Variants in CNTNAP2 observed in about 807,000 individuals in gnomAD.
CNTNAP2 encodes the protein contactin-associated protein-like 2.
In CNTNAP2, 98 loss-of-function variants were observed where a neutral mutation model predicts 155.2. That is an observed-to-expected ratio of 0.63 (90% CI 0.54 to 0.75). CNTNAP2 has a LOEUF of 0.75. CNTNAP2 is among the 30% of genes least tolerant of loss of function. The pLI is 0.00. For missense variants in CNTNAP2, 1,727 were observed against 1,688.1 expected (o/e 1.02, Z -0.40); for synonymous variants, 651 against 631.2 (o/e 1.03, Z -0.47).
chr7:148,014,908 G>C (rs184082128), intron 15 of CNTNAP2, among the ~76,000 whole-genome samples: 1 of 152,222 alleles, frequency 6.6e-6, no homozygotes, highest in African/African-American at 2.4e-5. Context: ...CCAGCTGAGA[G>C]AGAAGGCTTC....
intron 1 of CNTNAP2, among the ~76,000 whole-genome samples, chr7:146,235,780 C>T (rs547177740): frequency 4.9e-4 from 75 of 152,238 alleles, no homozygotes; most frequent in Admixed American, 4.6e-3. Flanking sequence ...TAGAGCATGA[C>T]AGTTCTGCTG....
chr7:146,706,895 A>G (rs1239357737), intron 1 of CNTNAP2, among the ~76,000 whole-genome samples: 1 of 149,546 alleles, frequency 6.7e-6, no homozygotes, highest in Non-Finnish European at 1.5e-5. Context: ...AAACCTGCAC[A>G]TGTACCCCTG....
At chr7:147,645,066 A>T (rs899876597) in intron 13 of CNTNAP2, among the ~76,000 whole-genome samples, 3 of 152,096 alleles carry the variant, frequency 2.0e-5, no homozygotes, top group African/African-American at 7.2e-5. Flanking sequence ...TATAAATTAT[A>T]TATATTTTTG....
chr7:146,996,879 G>A (rs576126786), intron 3 of CNTNAP2, among the ~76,000 whole-genome samples: 12 of 152,136 alleles, frequency 7.9e-5, no homozygotes, highest in African/African-American at 1.9e-4. Context: ...TCATAGGGGT[G>A]GTTTCCCCCA....
intron 20 of CNTNAP2, among the ~76,000 whole-genome samples, chr7:148,264,630 T>C (rs1796634230): frequency 6.6e-6 from 1 of 152,222 alleles, no homozygotes; most frequent in Non-Finnish European, 1.5e-5. Context: ...ATAATGAACA[T>C]ATATTATTTG....
At chr7:146,594,519 A>G (rs1251666240) in intron 1 of CNTNAP2, among the ~76,000 whole-genome samples, 1 of 152,108 alleles carries the variant, frequency 6.6e-6, no homozygotes, top group Non-Finnish European at 1.5e-5. Flanking sequence ...ATCATTGAGT[A>G]AATACATTAA....
intron 10 of CNTNAP2, among the ~76,000 whole-genome samples, chr7:147,405,210 G>C (rs907167012): frequency 1.3e-5 from 2 of 152,292 alleles, no homozygotes; most frequent in Non-Finnish European, 2.9e-5. Flanking sequence ...ATCAACTACG[G>C]AGAGATTTAA....
At chr7:146,644,515 A>G (rs1439573111) in intron 1 of CNTNAP2, among the ~76,000 whole-genome samples, 1 of 152,122 alleles carries the variant, frequency 6.6e-6, no homozygotes, top group Non-Finnish European at 1.5e-5. Flanking sequence ...CCTCTTGATC[A>G]TGGTGGATAA....
intron 10 of CNTNAP2, among the ~76,000 whole-genome samples, chr7:147,464,260 G>A (rs1180270811): frequency 3.9e-5 from 6 of 151,962 alleles, no homozygotes; most frequent in Admixed American, 3.3e-4. Context: ...TAGGTCAGGA[G>A]ATCAAGACCA....
chr7:147,925,331 C>G (rs1300437681), intron 14 of CNTNAP2, among the ~76,000 whole-genome samples: 1 of 143,886 alleles, frequency 6.9e-6, no homozygotes, highest in African/African-American at 2.6e-5. Context: ...CACACACACA[C>G]AGCTTTCCCC....
intron 1 of CNTNAP2, among the ~76,000 whole-genome samples, chr7:146,333,960 G>T (rs1005598665): frequency 6.6e-6 from 1 of 152,114 alleles, no homozygotes; most frequent in Admixed American, 6.5e-5. Flanking sequence ...ATCTGCCAAG[G>T]TTCCAGAAAA....
In CNTNAP2 at chr7:148,118,271, T is replaced by C; in HGVS notation, c.2537T>C (p.Ile846Thr). ...FLENMGKEDF[I>T]KLELKSATEV... ...GAAAATATGGGAAAGGAAGATTTCA[T>C]CAAGCTGGAGCTGAAGTGTGAGTAT... The change falls in exon 16 of 24, where the codon ATC becomes ACC. Residue 846 changes from isoleucine to threonine, a missense_variant. Ile to Thr is a moderately conservative substitution (Grantham distance 89). Coordinates refer to ENST00000361727, the MANE Select transcript of CNTNAP2 (RefSeq NM_014141.6). 6.2e-7 allele frequency: 1 copy of C among 1,614,162 alleles called. No homozygotes were observed. The highest frequency in any genetic ancestry group is 8.5e-7 in the Non-Finnish European group (1 of 1,180,010).
chr7:147,621,823 G>T (rs1379667037), intron 12 of CNTNAP2, among the ~76,000 whole-genome samples: 1 of 151,876 alleles, frequency 6.6e-6, no homozygotes, highest in African/African-American at 2.4e-5. Flanking sequence ...TCTGCAAACA[G>T]AAGACATACA....
In CNTNAP2 at chr7:147,018,387, A is replaced by C. The variant is rs189718873; in HGVS notation, c.403-25520A>C. ...CTGTCATGGCATGTGCCCTAAATAAACACTGTCCATGTCTGTTATTTGATT... is the reference window on the plus strand; with the variant it reads ...CTGTCATGGCATGTGCCCTAAATAACCACTGTCCATGTCTGTTATTTGATT... On this transcript the variant is annotated intron_variant, in intron 3 of 23. Transcript: ENST00000361727. Among the ~76,000 whole-genome samples, 20 of 152,158 alleles carry C rather than the reference A, an allele frequency of 1.3e-4. No individual in the cohort carries two copies. In the East Asian group the frequency reaches 3.7e-3, roughly 28 times the overall value.
intron 1 of CNTNAP2, among the ~76,000 whole-genome samples, chr7:146,372,666 G>A (rs573467103): frequency 2.0e-4 from 30 of 152,252 alleles, no homozygotes; most frequent in African/African-American, 6.7e-4. Flanking sequence ...AAACCTAGAC[G>A]TACCCTAAAT....
At chr7:146,882,524 ATT>A (rs1795574172) in intron 3 of CNTNAP2, among the ~76,000 whole-genome samples, 2 of 151,736 alleles carry the variant, frequency 1.3e-5, no homozygotes, top group South Asian at 4.2e-4. Flanking sequence ...TTCACCCTGC[ATT>A]TCTCTCTCCT....
chr7:147,907,678 G>A (rs1799987088), intron 14 of CNTNAP2, among the ~76,000 whole-genome samples: 1 of 151,918 alleles, frequency 6.6e-6, no homozygotes, highest in Non-Finnish European at 1.5e-5. Context: ...ATAAATCTTG[G>A]CAAATTTTTG....
chr7:146,872,940 A>G (rs1453466042), intron 3 of CNTNAP2, among the ~76,000 whole-genome samples: 1 of 152,204 alleles, frequency 6.6e-6, no homozygotes, highest in African/African-American at 2.4e-5. Context: ...TCTATTCATA[A>G]CTATCCCAAC....
At chr7:148,316,495 T>A (rs1307444291) in intron 21 of CNTNAP2, among the ~76,000 whole-genome samples, 1 of 152,176 alleles carries the variant, frequency 6.6e-6, no homozygotes, top group Non-Finnish European at 1.5e-5. Context: ...ATTTACGTGG[T>A]GCCTAATGGG....
Sources: gnomAD v4.1 joint callset for allele counts (sites outside exome capture counted in the v4.1 genomes callset) on GRCh38, gnomAD v4.1.1 for gene constraint, MANE v1.5 for transcripts, NCBI Gene and HGNC (gene_info 2026-07-23, HGNC 2026-07-21) for gene names.